Variants in LIN28B observed in about 807,000 individuals in gnomAD.
The protein encoded by LIN28B is lin-28 RNA binding posttranscriptional regulator B.
A neutral mutation model predicts 21.9 loss-of-function variants in LIN28B; 5 were observed. The observed-to-expected ratio is 0.23, with a 90% CI of 0.12 to 0.48. The LOEUF (loss-of-function observed/expected upper bound fraction) is 0.48, where lower values mean the gene tolerates loss of function less well. LIN28B is among the 20% of genes least tolerant of loss of function. The pLI is 0.98. For synonymous variants in LIN28B, 109 were observed against 111.3 expected, an observed-to-expected ratio of 0.98 and a Z score of 0.13; for missense variants, 245 against 310.5, an observed-to-expected ratio of 0.79 and a Z score of 1.58.
intron 3 of LIN28B, among the ~76,000 whole-genome samples, chr6:105,030,202 A>G (rs1771390190): frequency 6.6e-6 from 1 of 152,200 alleles, no homozygotes; most frequent in Non-Finnish European, 1.5e-5. Context: ...ACAATAAAAT[A>G]TTCAATAAAC....
intron 2 of LIN28B, among the ~76,000 whole-genome samples, chr6:105,013,082 C>T (rs1286222946): frequency 6.6e-6 from 1 of 152,092 alleles, no homozygotes; most frequent in Admixed American, 6.5e-5. Flanking sequence ...ATGGCGCAAT[C>T]TCAGCTCACT....
intron 2 of LIN28B, among the ~76,000 whole-genome samples, chr6:104,987,605 T>G (rs1770373583): frequency 6.6e-6 from 1 of 152,020 alleles, no homozygotes; most frequent in South Asian, 2.1e-4. Context: ...GGATTACAGG[T>G]GTGAGCCACT....
chr6:105,052,738 C>A (rs1175545902), intron 3 of LIN28B, among the ~76,000 whole-genome samples: 2 of 152,074 alleles, frequency 1.3e-5, no homozygotes, highest in African/African-American at 4.8e-5. Context: ...CCAATATTCC[C>A]TTTTTTCATT....
chr6:104,971,059 T>A (rs539495107), intron 2 of LIN28B, among the ~76,000 whole-genome samples: 4 of 152,288 alleles, frequency 2.6e-5, no homozygotes, highest in Non-Finnish European at 4.4e-5. Context: ...TGTATTCAAA[T>A]GTTTAAATTC....
chr6:105,038,521 A>G (rs1771569581), intron 3 of LIN28B, among the ~76,000 whole-genome samples: 1 of 152,174 alleles, frequency 6.6e-6, no homozygotes, highest in Non-Finnish European at 1.5e-5. Flanking sequence ...TCTGTTACCA[A>G]GTCTGGCCAG....
At chr6:105,055,106 G>T (rs73521959) in intron 3 of LIN28B, among the ~76,000 whole-genome samples, 2,244 of 152,110 alleles carry the variant, frequency 0.015, 58 homozygotes, top group African/African-American at 0.052. Context: ...GAATTATGAT[G>T]CACCAAAGTG....
intron 3 of LIN28B, among the ~76,000 whole-genome samples, chr6:105,075,501 C>T (rs953942255): frequency 6.6e-6 from 1 of 152,126 alleles, no homozygotes; most frequent in African/African-American, 2.4e-5. Context: ...CCACTCCTCC[C>T]CCTTTTAAGG....
chr6:105,012,481 CAAAA>C (rs1040780137), intron 2 of LIN28B, among the ~76,000 whole-genome samples: 9 of 150,892 alleles, frequency 6.0e-5, no homozygotes, highest in African/African-American at 1.9e-4. Context: ...AAAAAAAAAA[CAAAA>C]ACAAACAAAC....
At chr6:105,074,117 A>C (rs981008948) in intron 3 of LIN28B, among the ~76,000 whole-genome samples, 2 of 152,238 alleles carry the variant, frequency 1.3e-5, no homozygotes, top group African/African-American at 4.8e-5. Flanking sequence ...AAATAGTTCT[A>C]AAGGTCTAAA....
At chr6:104,946,670 A>G (rs1778159510) in intron 2 of LIN28B, among the ~76,000 whole-genome samples, 1 of 152,156 alleles carries the variant, frequency 6.6e-6, no homozygotes, top group Non-Finnish European at 1.5e-5. Flanking sequence ...TATGATTTTA[A>G]GTAATGTTAT....
chr6:105,066,709 C>T (rs532323016), intron 3 of LIN28B, among the ~76,000 whole-genome samples: 1 of 151,940 alleles, frequency 6.6e-6, no homozygotes. Context: ...ATCTACTTCT[C>T]TAGATAACAA....
At chr6:105,043,780 TAGCCTAGGCTAGTCGGGTTTCACA>T (rs1269120835) in intron 3 of LIN28B, among the ~76,000 whole-genome samples, 1 of 152,010 alleles carries the variant, frequency 6.6e-6, no homozygotes, top group African/African-American at 2.4e-5. Context: ...GGGGTTTCAC[TAGCCTAGGCTAGTCGGGTTTCACA>T]AGCCTAGGCT....
chr6:104,943,927 A>G (rs1778126738), intron 2 of LIN28B, among the ~76,000 whole-genome samples: 1 of 152,124 alleles, frequency 6.6e-6, no homozygotes, highest in Admixed American at 6.6e-5. Flanking sequence ...CTTGCCCACC[A>G]TGTACTTGTA....
rs138081925 is a variant in LIN28B at position 105,071,900 on chromosome 6, A to T, written c.384-6514A>T. ...AAGAGAATAGAAAAAGTATTCACAA[A>T]TTTTTAGACCAAGTTTTTCAACATG... On this transcript the variant is annotated intron_variant, in intron 3 of 3. Transcript: ENST00000345080. Among the ~76,000 whole-genome samples the T allele has an allele frequency of 2.6e-4, 40 of 152,324 alleles. No individual in the cohort carries two copies. In the East Asian group the frequency reaches 7.5e-3, roughly 29 times the overall value.
chr6:105,011,744 C>A (rs1770927749), intron 2 of LIN28B, among the ~76,000 whole-genome samples: 1 of 151,996 alleles, frequency 6.6e-6, no homozygotes, highest in African/African-American at 2.4e-5. Flanking sequence ...CAGCTGCAGG[C>A]TGAGGCAGGA....
chr6:104,941,495 C>CGCGAGGGT (rs1778092870), intron 2 of LIN28B: 1 of 150,000 alleles, frequency 6.7e-6, no homozygotes, highest in Non-Finnish European at 1.5e-5. Flanking sequence ...GGGCGCAGGG[C>CGCGAGGGT]GCGAGGGTGC....
chr6:104,969,780 A>G (rs920943680), intron 2 of LIN28B, among the ~76,000 whole-genome samples: 3 of 152,200 alleles, frequency 2.0e-5, no homozygotes, highest in Non-Finnish European at 2.9e-5. Context: ...GCCCTAAAGT[A>G]TTTTATTTTG....
chr6:105,056,333 A>T (rs1211154159), intron 3 of LIN28B, among the ~76,000 whole-genome samples: 1 of 151,768 alleles, frequency 6.6e-6, no homozygotes, highest in Non-Finnish European at 1.5e-5. Context: ...TCTCTACAAG[A>T]TGTTGACTTT....
chr6:105,025,944 T>C (rs749017147), intron 2 of LIN28B, among the ~76,000 whole-genome samples: 2 of 152,116 alleles, frequency 1.3e-5, no homozygotes, highest in South Asian at 2.1e-4. Context: ...CAGTTTCCCA[T>C]TGATAGATGT....
Sources: allele counts gnomAD v4.1 joint callset (sites outside exome capture counted in the v4.1 genomes callset), GRCh38; gene constraint gnomAD v4.1.1; transcripts MANE v1.5; gene names NCBI Gene and HGNC (gene_info 2026-07-23, HGNC 2026-07-21).